Variants in EPHA5 observed in about 807,000 individuals in gnomAD.
The protein encoded by EPHA5 is EPH receptor A5.
In EPHA5, 60 loss-of-function variants were observed where a neutral mutation model predicts 105.0. The ratio of observed to expected loss-of-function variants is 0.57; its 90% CI spans 0.46 to 0.71. The LOEUF is 0.71. Among genes scored for constraint, EPHA5 ranks in the 30% least tolerant of loss-of-function variants. The probability of loss-of-function intolerance (pLI) is 0.00; values close to 1 mark genes in which losing one functional copy is unlikely to be tolerated. For missense variants in EPHA5, 1,218 were observed against 1,274.7 expected (o/e 0.96, Z 0.68); for synonymous variants, 513 against 449.1 (o/e 1.14, Z -1.80).
At chr4:65,365,754 C>A (rs1007237187) in intron 10 of EPHA5, among the ~76,000 whole-genome samples, 178 bp downstream of exon 10, 7 of 142,130 alleles carry the variant, frequency 4.9e-5, no homozygotes, top group Non-Finnish European at 1.1e-4. Flanking sequence ...CAGATATTTG[C>A]TGGTTTAAGC....
chr4:65,335,062 T>C (rs1721039314), intron 15 of EPHA5, among the ~76,000 whole-genome samples: 1 of 152,022 alleles, frequency 6.6e-6, no homozygotes, highest in Non-Finnish European at 1.5e-5. Flanking sequence ...TAAACAAATG[T>C]TATGTCAGAA....
intron 3 of EPHA5, among the ~76,000 whole-genome samples, chr4:65,577,663 A>T (rs1741197291): frequency 6.6e-6 from 1 of 152,302 alleles, no homozygotes; most frequent in Admixed American, 6.5e-5. Flanking sequence ...AATTTGAAAT[A>T]GACTAGGTAA....
chr4:65,630,732 G>A (rs1266954404), intron 2 of EPHA5, among the ~76,000 whole-genome samples: 1 of 152,152 alleles, frequency 6.6e-6, no homozygotes, highest in Non-Finnish European at 1.5e-5. Flanking sequence ...CTGCAGACCT[G>A]TACAGATTCG....
chr4:65,357,617 G>A (rs1442472205), intron 11 of EPHA5, among the ~76,000 whole-genome samples: 1 of 151,346 alleles, frequency 6.6e-6, no homozygotes, highest in East Asian at 1.9e-4. Flanking sequence ...GCTACTTAAA[G>A]TAGTTAAACC....
At chr4:65,614,992 G>C (rs970666648) in intron 2 of EPHA5, among the ~76,000 whole-genome samples, 1 of 151,666 alleles carries the variant, frequency 6.6e-6, no homozygotes, top group Non-Finnish European at 1.5e-5. Flanking sequence ...GAGTTTACAA[G>C]TATATAATAA....
chr4:65,453,724 A>G (rs1727288644), intron 5 of EPHA5, among the ~76,000 whole-genome samples: 1 of 152,192 alleles, frequency 6.6e-6, no homozygotes, highest in African/African-American at 2.4e-5. Context: ...GCCCACCCCA[A>G]GGGAAGAATC....
At chr4:65,343,227 A>G (rs954818524) in intron 14 of EPHA5, among the ~76,000 whole-genome samples, 13 of 152,200 alleles carry the variant, frequency 8.5e-5, no homozygotes, top group African/African-American at 2.9e-4. Flanking sequence ...ATAGGCTTCT[A>G]CTGACTACAT....
At chr4:65,395,209 G>A (rs946417792) in intron 8 of EPHA5, among the ~76,000 whole-genome samples, 1 of 152,194 alleles carries the variant, frequency 6.6e-6, no homozygotes, top group Non-Finnish European at 1.5e-5. Context: ...TGAAGGGACA[G>A]ATTCCAATTG....
chr4:65,438,098 G>A (rs1229067444), intron 5 of EPHA5, among the ~76,000 whole-genome samples: 1 of 151,712 alleles, frequency 6.6e-6, no homozygotes, highest in African/African-American at 2.4e-5. Flanking sequence ...CATGTGCCAG[G>A]CATTATTTTA....
intron 5 of EPHA5, among the ~76,000 whole-genome samples, chr4:65,462,183 G>A (rs1483373374): frequency 6.6e-6 from 1 of 152,124 alleles, no homozygotes; most frequent in African/African-American, 2.4e-5. Context: ...CACTTCTCAA[G>A]CCAAATTCTT....
At chr4:65,528,174 T>C (rs531097073) in intron 3 of EPHA5, among the ~76,000 whole-genome samples, 80 of 146,880 alleles carry the variant, frequency 5.4e-4, no homozygotes, top group African/African-American at 2.0e-3. Flanking sequence ...TTGCTGTAGA[T>C]GTTTGCAAAA....
chr4:65,553,621 T>C (rs28431938), intron 3 of EPHA5, among the ~76,000 whole-genome samples: 76,951 of 151,800 alleles, frequency 0.51, 19,822 homozygotes, highest in Non-Finnish European at 0.53. Flanking sequence ...AGAAATTCAT[T>C]TCTAAAGTGT....
chr4:65,433,393 T>A (rs1560531789), intron 5 of EPHA5, among the ~76,000 whole-genome samples: 1 of 152,184 alleles, frequency 6.6e-6, no homozygotes, highest in Non-Finnish European at 1.5e-5. Context: ...ACCAACATAT[T>A]GGATATTCGC....
intron 3 of EPHA5, among the ~76,000 whole-genome samples, chr4:65,498,424 G>A (rs188401147): frequency 6.6e-6 from 1 of 151,850 alleles, no homozygotes; most frequent in African/African-American, 2.4e-5. Flanking sequence ...GGAATAATGA[G>A]ATCAAAGTAG....
intron 5 of EPHA5, 29 bp downstream of exon 5, chr4:65,490,348 T>A (rs748673249): frequency 1.3e-6 from 2 of 1,593,704 alleles, no homozygotes; most frequent in Non-Finnish European, 1.7e-6. Flanking sequence ...AGGCCTCACA[T>A]ACACAATTGG....
intron 3 of EPHA5, among the ~76,000 whole-genome samples, chr4:65,578,094 C>T (rs1248789477): frequency 1.3e-5 from 2 of 151,978 alleles, no homozygotes; most frequent in Non-Finnish European, 2.9e-5. Context: ...ATCAGTATAC[C>T]TATATCAACA....
chr4:65,510,788 G>A (rs544362888), intron 3 of EPHA5, among the ~76,000 whole-genome samples: 15 of 152,272 alleles, frequency 9.9e-5, no homozygotes, highest in Admixed American at 2.0e-4. Context: ...TGAGGCACTG[G>A]CATGTGCCTG....
chr4:65,643,284 C>T, intron 2 of EPHA5, 79 bp downstream of exon 2: 1 of 1,128,532 alleles, frequency 8.9e-7, no homozygotes, highest in South Asian at 1.3e-5. Context: ...ACATCCAGTA[C>T]ATATTCATTC....
intron 16 of EPHA5, chr4:65,330,683 GA>G: frequency 1.2e-6 from 1 of 819,284 alleles, no homozygotes; most frequent in Non-Finnish European, 1.5e-6. Context: ...CATTTTTACT[GA>G]AAAATTAAAT....
Sources: gnomAD v4.1 joint callset for allele counts (sites outside exome capture counted in the v4.1 genomes callset) on GRCh38, gnomAD v4.1.1 for gene constraint, MANE v1.5 for transcripts, NCBI Gene and HGNC (gene_info 2026-07-23, HGNC 2026-07-21) for gene names.